The following FHDC1 variants were observed in gnomAD, a reference collection of about 807,000 sequenced individuals.
The protein encoded by FHDC1 is FH2 domain-containing protein 1.
FHDC1 carries 25 observed loss-of-function variants against 52.6 expected under a neutral mutation model. The observed-to-expected ratio is 0.48, with a 90% CI of 0.35 to 0.66. The LOEUF (loss-of-function observed/expected upper bound fraction) is 0.66, where lower values mean the gene tolerates loss of function less well. Among genes scored for constraint, FHDC1 ranks in the 30% least tolerant of loss-of-function variants. The pLI is 0.01. For missense variants in FHDC1, 1,459 were observed against 1,452.8 expected (o/e 1.00, Z -0.07); for synonymous variants, 616 against 581.5 (o/e 1.06, Z -0.85).
At chr4:152,964,115 A>T (rs1740380531) in intron 8 of FHDC1, among the ~76,000 whole-genome samples, 1 of 152,128 alleles carries the variant, frequency 6.6e-6, no homozygotes, top group Non-Finnish European at 1.5e-5. Flanking sequence ...TAATGGTGAG[A>T]GTAGTGATAA....
chr4:152,921,625 C>T, the FHDC1 span, among the ~76,000 whole-genome samples: 5 of 141,124 alleles, frequency 3.5e-5, no homozygotes, highest in South Asian at 2.6e-4. Flanking sequence ...TCCCTTTTTC[C>T]CTTCCTTCCT....
In FHDC1 at chr4:152,974,745, G is replaced by A. The variant is rs113260881; in HGVS notation, c.1454G>A (p.Arg485His). 416 of 1,521,572 alleles carry A rather than the reference G, an allele frequency of 2.7e-4. 5 individuals are homozygous for A. The African/African-American group carries it at 3.3e-3, about 12-fold the overall frequency. 94.3% of individuals were successfully genotyped at this position (1,521,572 alleles called of 1,614,324 possible). ...QRLKEQEQKQ[R>H]SWATGELGAF... is the part of the protein sequence containing the mutation. ...CTGAAGGAGCAGGAGCAGAAGCAGC[G>A]CTCCTGGGCAACTGGGGAGCTGGGG... Residue 485 changes from arginine (R) to histidine (H), a missense_variant, in exon 12 of 12, where the codon CGC (arginine) becomes CAC (histidine). Physicochemically the swap from Arg to His is conservative, Grantham distance 29. Around this residue, in one of 3 missense-constraint regions of FHDC1, gnomAD observed 513 missense variants for 581.5 expected, o/e 0.88. Coordinates refer to ENST00000511601, the MANE Select transcript of FHDC1 (RefSeq NM_001371116.1).
In FHDC1 at chr4:152,975,936, G is replaced by A. The variant is rs761048817; in HGVS notation, c.2645G>A (p.Arg882Gln). 10 of 1,513,860 alleles carry A rather than the reference G, an allele frequency of 6.6e-6. No homozygotes were observed. The highest frequency in any genetic ancestry group is 5.6e-5 in the African/African-American group (4 of 71,620). 93.8% of individuals were successfully genotyped at this position (1,513,860 alleles called of 1,614,324 possible). Residue 882 changes from arginine to glutamine, a missense_variant, in exon 12 of 12, where the codon CGG becomes CAG. Physicochemically the swap from Arg to Gln is conservative, Grantham distance 43. Transcript: ENST00000511601. Reference sequence around the variant, plus strand: ...GCCTCCAAGCCCGGGAGCGCCCGGCGGAGCCAGGGGGCAGTGGCCAAGTCT... The same window carrying A: ...GCCTCCAAGCCCGGGAGCGCCCGGCAGAGCCAGGGGGCAGTGGCCAAGTCT... Reference protein sequence around the residue: ...PGASKPGSARRSQGAVAKSVR... With the variant: ...PGASKPGSARQSQGAVAKSVR...
chr4:152,972,466 C>CA lies in FHDC1; in HGVS notation c.1315dup (p.Thr439AsnfsTer6), dbSNP rs1303890230. 2 of 1,613,330 alleles carry CA rather than the reference C, an allele frequency of 1.2e-6. No individual in the cohort carries two copies. The highest frequency in any genetic ancestry group is 1.7e-6 in the Non-Finnish European group (2 of 1,179,774). Reference sequence around the variant, plus strand: ...CCCTTATAGATTTTTTCTGTGAAGACAAAAAAACCATGAAACTGGATGAAT... The same window carrying CA: ...CCCTTATAGATTTTTTCTGTGAAGACAAAAAAAACCATGAAACTGGATGAAT... On this transcript the variant is annotated frameshift_variant, in exon 11 of 12. Coordinates refer to ENST00000511601, the MANE Select transcript of FHDC1 (RefSeq NM_001371116.1). LOFTEE classifies it high-confidence loss of function.
the FHDC1 span, chr4:152,912,066 T>C: frequency 1.3e-5 from 2 of 152,342 alleles, no homozygotes; most frequent in Admixed American, 6.5e-5. Context: ...TGAATCTCTT[T>C]TGAGAGCTGA....
At chr4:152,965,997 G>A (rs868458223) in intron 9 of FHDC1, among the ~76,000 whole-genome samples, 2 of 152,234 alleles carry the variant, frequency 1.3e-5, no homozygotes, top group African/African-American at 4.8e-5. Flanking sequence ...GTTCAGAGGT[G>A]TAAACAGTTT....
At chr4:152,965,798 C>T (rs947258025) in intron 9 of FHDC1, among the ~76,000 whole-genome samples, 4 of 152,172 alleles carry the variant, frequency 2.6e-5, no homozygotes, top group South Asian at 2.1e-4. Context: ...GTTCAGCCAC[C>T]GCTCATGTGT....
At chr4:152,968,992 ACAT>A (rs1051257722) in intron 10 of FHDC1, among the ~76,000 whole-genome samples, 1 of 152,088 alleles carries the variant, frequency 6.6e-6, no homozygotes, top group Non-Finnish European at 1.5e-5. Flanking sequence ...GCTCCAAATA[ACAT>A]CAACAAAAAA....
At chr4:152,913,968 G>A in the FHDC1 span, among the ~76,000 whole-genome samples, 2 of 152,146 alleles carry the variant, frequency 1.3e-5, no homozygotes, top group South Asian at 4.1e-4. Flanking sequence ...TTACAGGTGT[G>A]AGCCACCACA....
the FHDC1 span, among the ~76,000 whole-genome samples, chr4:152,920,298 TTGAC>T: frequency 6.6e-6 from 1 of 152,044 alleles, no homozygotes; most frequent in Non-Finnish European, 1.5e-5. Flanking sequence ...GAAGAAGAAA[TTGAC>T]TGATTGTGAC....
chr4:152,972,779 T>C (rs1740679642), intron 11 of FHDC1, among the ~76,000 whole-genome samples: 1 of 152,214 alleles, frequency 6.6e-6, no homozygotes, highest in South Asian at 2.1e-4. Flanking sequence ...GCTACTTTGG[T>C]GCACAGGCTC....
the FHDC1 span, chr4:152,912,133 A>G: frequency 6.6e-6 from 1 of 152,198 alleles, no homozygotes; most frequent in Admixed American, 6.5e-5. Context: ...GGAGCTAAAT[A>G]GTTTCATGGA....
chr4:152,913,944 G>A, the FHDC1 span, among the ~76,000 whole-genome samples: 1 of 152,106 alleles, frequency 6.6e-6, no homozygotes, highest in Non-Finnish European at 1.5e-5. Flanking sequence ...ACCTCCCAAA[G>A]TGCTGGGATT....
intron 1 of FHDC1, among the ~76,000 whole-genome samples, chr4:152,938,921 T>A (rs1164492109): frequency 6.6e-6 from 1 of 151,988 alleles, no homozygotes. Context: ...GCAGAACCAC[T>A]CATTCTGAGC....
intron 1 of FHDC1, among the ~76,000 whole-genome samples, chr4:152,939,069 C>CT (rs1165536127): frequency 8.7e-4 from 133 of 152,054 alleles, no homozygotes; most frequent in African/African-American, 2.8e-3. Context: ...ACTAGAACGT[C>CT]TTTTTTTTGG....
In FHDC1 at chr4:152,979,177, G is replaced by A. The variant is rs1234009204; in HGVS notation, c.*2454G>A. The A allele has an allele frequency of 6.6e-6, 1 of 152,164 alleles. No homozygotes were observed. Among genetic ancestry groups the A allele is most frequent in the East Asian group, 1.9e-4 (1 of 5,190 alleles). The allele number at this position is 152,164 out of a possible 1,614,324, so 9.4% of individuals were successfully genotyped here. A position where few individuals can be genotyped will look rare whatever the true frequency, so the allele number is the denominator to read the frequency against. On this transcript the variant is annotated 3_prime_UTR_variant, in exon 12 of 12. Transcript: ENST00000511601. Reference sequence around the variant, plus strand: ...TCTATCATGGATGCTGGGTGACTTTGGGAAGTCACCACCTCTTCCCAAGCC... The same window carrying A: ...TCTATCATGGATGCTGGGTGACTTTAGGAAGTCACCACCTCTTCCCAAGCC...
chr4:152,971,599 G>A (rs1478228614), intron 10 of FHDC1, among the ~76,000 whole-genome samples: 2 of 152,188 alleles, frequency 1.3e-5, no homozygotes, highest in African/African-American at 4.8e-5. Context: ...GTACCAGAAT[G>A]CACAGGGGCC....
chr4:152,927,167 G>A, the FHDC1 span, among the ~76,000 whole-genome samples: 3,673 of 152,336 alleles, frequency 0.024, 101 homozygotes, highest in African/African-American at 0.068. Flanking sequence ...GGGTTGTATA[G>A]CCAAGGAAAC....
chr4:152,971,944 C>T (rs143777171), intron 10 of FHDC1, among the ~76,000 whole-genome samples: 87 of 152,232 alleles, frequency 5.7e-4, no homozygotes, highest in African/African-American at 2.1e-3. Context: ...GATAATGCAT[C>T]AGTAGAGCGA....
Sources: gnomAD v4.1 joint callset for allele counts (sites outside exome capture counted in the v4.1 genomes callset) on GRCh38, gnomAD v4.1.1 for gene constraint, gnomAD v4.1.1 regional missense constraint, MANE v1.5 for transcripts, NCBI Gene and HGNC (gene_info 2026-07-23, HGNC 2026-07-21) for gene names.